SYAP1: variants seen among roughly 807,000 people sequenced by gnomAD.
The protein encoded by SYAP1 is synapse-associated protein 1.
In SYAP1, 3 loss-of-function variants were observed where a neutral mutation model predicts 29.6. The ratio of observed to expected loss-of-function variants is 0.10; its 90% CI spans 0.05 to 0.26. The LOEUF is 0.26. SYAP1 is among the 10% of genes least tolerant of loss of function. SYAP1 has a pLI of 1.00. For synonymous variants in SYAP1, 102 were observed against 102.7 expected (o/e 0.99, Z 0.04); for missense variants, 217 against 264.1 (o/e 0.82, Z 1.24).
At chrX:16,760,168 G>A (rs1050971510) in intron 8 of SYAP1, 64 bp from the exon 9 acceptor site, 5 of 1,086,188 alleles carry the variant, frequency 4.6e-6, no homozygotes, top group South Asian at 2.5e-5. Context: ...GAGATGGACC[G>A]AATTGTGAAC....
intron 8 of SYAP1, among the ~76,000 whole-genome samples, chrX:16,757,884 G>T (rs1926885976): frequency 9.2e-6 from 1 of 108,363 alleles, no homozygotes; most frequent in South Asian, 4.0e-4. Context: ...TCCAGCCTGG[G>T]TGACAGAGCA....
At chrX:16,742,155 T>TG (rs1926477518) in intron 4 of SYAP1, among the ~76,000 whole-genome samples, 1 of 89,710 alleles carries the variant, frequency 1.1e-5, no homozygotes, top group Non-Finnish European at 2.1e-5. Flanking sequence ...TTTTTTTTTT[T>TG]TTTTTTTTTT....
chrX:16,739,647 C>T (rs1245754335), intron 3 of SYAP1, among the ~76,000 whole-genome samples: 1 of 110,727 alleles, frequency 9.0e-6, no homozygotes, highest in Non-Finnish European at 1.9e-5. Flanking sequence ...CTTGCTGGGT[C>T]ACCAGCCTTG....
rs1602324457 is a variant in SYAP1 at position 16,735,348 on chromosome X, A to T, written c.294+3A>T. On this transcript the variant is annotated splice_donor_region_variant and intron_variant, in intron 2 of 8. Transcript: ENST00000380155. ...AAATAGATGGCATCATTGACAAGGT[A>T]TATTCAATTATCTTTTGGAAGTAGA... is the stretch of plus-strand genomic sequence containing the variant. 9.5e-7 allele frequency: 1 copy of T among 1,051,266 alleles called. No homozygotes were observed. The highest frequency in any genetic ancestry group is 1.3e-6 in the Non-Finnish European group (1 of 766,315). The allele number at this position is 1,051,266 out of a possible 1,213,427, so 86.6% of individuals were successfully genotyped here.
intron 1 of SYAP1, among the ~76,000 whole-genome samples, chrX:16,734,385 C>CAA (rs761468112): frequency 1.2e-3 from 60 of 49,194 alleles, no homozygotes; most frequent in Non-Finnish European, 2.4e-3. Flanking sequence ...GACTTCATCT[C>CAA]AAAAAAAAAA....
chrX:16,722,842 C>T (rs1210595501), intron 1 of SYAP1, among the ~76,000 whole-genome samples: 2 of 112,235 alleles, frequency 1.8e-5, no homozygotes, highest in Admixed American at 9.5e-5. Flanking sequence ...CCCTCAAGGC[C>T]CCATGCCGTT....
chrX:16,761,856 C>A lies in SYAP1; in HGVS notation c.*1497C>A, dbSNP rs1261870976. 1 of 112,074 alleles carries A rather than the reference C, an allele frequency of 8.9e-6. No individual in the cohort carries two copies. Among genetic ancestry groups the A allele is most frequent in the Non-Finnish European group, 1.9e-5 (1 of 53,246 alleles). The allele number at this position is 112,074 out of a possible 1,213,427, so 9.2% of individuals were successfully genotyped here. On this transcript the variant is annotated 3_prime_UTR_variant, in exon 9 of 9. Coordinates refer to ENST00000380155, the MANE Select transcript of SYAP1 (RefSeq NM_032796.4). ...AAAATATACATATTTGTGTTCTTGGCCCCATTAAAACTAGTCAGTAGTCCT... is the reference window on the plus strand; with the variant it reads ...AAAATATACATATTTGTGTTCTTGGACCCATTAAAACTAGTCAGTAGTCCT...
Position 16,762,486 on chromosome X carries a change from C to A in SYAP1, c.*2127C>A, listed in dbSNP as rs2055238500. ...CAGTTGTGCTGTATTTTTATGGATT[C>A]ATCAAGGAGTAAAATGTTCTGCTTT... is the stretch of plus-strand genomic sequence containing the variant. On this transcript the variant is annotated 3_prime_UTR_variant, in exon 9 of 9. Transcript: ENST00000380155. The A allele has an allele frequency of 9.0e-6, 1 of 111,659 alleles. No individual in the cohort carries two copies. The highest frequency in any genetic ancestry group is 1.9e-5 in the Non-Finnish European group (1 of 53,189). The allele number at this position is 111,659 out of a possible 1,213,427, so 9.2% of individuals were successfully genotyped here. A position where few individuals can be genotyped will look rare whatever the true frequency, so the allele number is the denominator to read the frequency against.
At chrX:16,729,052 G>A (rs66514813) in intron 1 of SYAP1, among the ~76,000 whole-genome samples, 85 of 95,508 alleles carry the variant, frequency 8.9e-4, no homozygotes, top group East Asian at 1.3e-3. Context: ...AAAAAAAAAA[G>A]AAAAAAAAAA....
At chrX:16,726,247 A>G (rs1029346946) in intron 1 of SYAP1, among the ~76,000 whole-genome samples, 7 of 111,761 alleles carry the variant, frequency 6.3e-5, no homozygotes, top group South Asian at 3.7e-4. Flanking sequence ...TTTAATCTAT[A>G]ACTAAGGTCT....
intron 1 of SYAP1, among the ~76,000 whole-genome samples, chrX:16,722,046 C>T (rs1432706554): frequency 9.0e-6 from 1 of 111,637 alleles, no homozygotes; most frequent in Non-Finnish European, 1.9e-5. Flanking sequence ...TTTAGAAAGT[C>T]GTAAAGGTTC....
intron 1 of SYAP1, among the ~76,000 whole-genome samples, chrX:16,733,046 A>G (rs776596030): frequency 3.6e-5 from 4 of 112,013 alleles, no homozygotes; most frequent in African/African-American, 1.3e-4. Context: ...GAGAAGGGAT[A>G]TTTAAGTGGA....
rs1378282521 is a variant in SYAP1 at position 16,731,031 on chromosome X, T to A, written c.176-4196T>A. Among the ~76,000 whole-genome samples, 3 of 112,526 alleles carry A rather than the reference T, an allele frequency of 2.7e-5. No homozygotes were observed. The East Asian group carries it at 8.3e-4, about 31-fold the overall frequency. ...TTTTGAAGATATTTTATTTTACCAG[T>A]AATCTTTAAAACTGTCTTTATTTTT... On this transcript the variant is annotated intron_variant, in intron 1 of 8. Coordinates refer to ENST00000380155, the MANE Select transcript of SYAP1 (RefSeq NM_032796.4).
At position 16,722,582 on chromosome X, in the gene SYAP1, T is replaced by C. The variant is rs149813603; in HGVS notation, c.175+2683T>C. ...GCCCCATTTGTTCTGCATATATTTG[T>C]TGAGTGCCTACCTTCAAGACTGGAC... On this transcript the variant is annotated intron_variant, in intron 1 of 8. Transcript: ENST00000380155. Among the ~76,000 whole-genome samples, 603 of 111,067 alleles carry C rather than the reference T, an allele frequency of 5.4e-3. 3 individuals are homozygous for C. Among genetic ancestry groups the C allele is most frequent in the African/African-American group, 0.019 (577 of 30,533 alleles).
In SYAP1 at chrX:16,757,270, G is replaced by T. The variant is rs1926863012; in HGVS notation, c.892G>T (p.Val298Leu). Residue 298 changes from valine to leucine, a missense_variant, in exon 8 of 9, where the codon GTG becomes TTG. Physicochemically the swap from Val to Leu is conservative, Grantham distance 32. Coordinates refer to ENST00000380155, the MANE Select transcript of SYAP1 (RefSeq NM_032796.4). ...EDLRKEMEQL[V>L]LDKKQEETAV... ...TCTAAGGAAAGAAATGGAGCAACTA[G>T]TGCTTGACAAAAAGCAAGAGGAGAC... The T allele has an allele frequency of 8.3e-7, 1 of 1,208,761 alleles. No homozygotes were observed. The highest frequency in any genetic ancestry group is 3.0e-5 in the East Asian group (1 of 33,768).
intron 1 of SYAP1, among the ~76,000 whole-genome samples, chrX:16,731,152 C>G (rs1262278947): frequency 9.0e-6 from 1 of 111,510 alleles, no homozygotes. Flanking sequence ...AAATTAGTTA[C>G]CCTTTAAAAA....
intron 1 of SYAP1, among the ~76,000 whole-genome samples, chrX:16,731,247 TAA>T (rs763422640): frequency 1.1e-4 from 12 of 112,389 alleles, no homozygotes; most frequent in African/African-American, 3.5e-4. Flanking sequence ...TTATTTAATA[TAA>T]CTTTAGATTC....
chrX:16,756,864 G>C, intron 7 of SYAP1, 143 bp downstream of exon 7: 1 of 616,383 alleles, frequency 1.6e-6, no homozygotes. Flanking sequence ...CAAGGAACTA[G>C]GGCTGAGACT....
At chrX:16,755,215 G>A in intron 6 of SYAP1, 122 bp downstream of exon 6, 1 of 714,568 alleles carries the variant, frequency 1.4e-6, no homozygotes, top group Admixed American at 3.4e-5. Flanking sequence ...TTTCTTCCCA[G>A]AGGAAATCTT....
Sources: gnomAD v4.1 joint callset for allele counts (sites outside exome capture counted in the v4.1 genomes callset) on GRCh38, gnomAD v4.1.1 for gene constraint, MANE v1.5 for transcripts, NCBI Gene and HGNC (gene_info 2026-07-23, HGNC 2026-07-21) for gene names.